Variants in SLC5A5 observed in about 807,000 individuals in gnomAD.
The protein encoded by SLC5A5 is sodium/iodide cotransporter.
A neutral mutation model predicts 68.6 loss-of-function variants in SLC5A5; 56 were observed. The ratio of observed to expected loss-of-function variants is 0.82; its 90% CI spans 0.66 to 1.02. SLC5A5 has a LOEUF of 1.02. Ranked by LOEUF, SLC5A5 falls within the 50% of genes least tolerant of loss-of-function variation. The pLI, the probability that SLC5A5 is intolerant of heterozygous loss-of-function variation, is 0.00. For synonymous variants in SLC5A5, 398 were observed against 373.0 expected (o/e 1.07, Z -0.77); for missense variants, 807 against 859.8 (o/e 0.94, Z 0.77).
At chr19:17,892,949 A>C (rs1233593465) in intron 14 of SLC5A5, among the ~76,000 whole-genome samples, 1 of 151,696 alleles carries the variant, frequency 6.6e-6, no homozygotes, top group Admixed American at 6.6e-5. Context: ...GCTGCCCTAG[A>C]GAAGTGTTTA....
Position 17,875,953 on chromosome 19 carries a change from G to A in SLC5A5, c.545G>A (p.Gly182Asp). The change falls in exon 5 of 15, where the codon GGC becomes GAC. Residue 182 changes from glycine to aspartate, a missense_variant and splice_region_variant. By Grantham distance (94) the Gly-to-Asp change is moderately conservative. Coordinates refer to ENST00000222248, the MANE Select transcript of SLC5A5 (RefSeq NM_000453.3). ...CCCTCTCTCTGTCCCATGCTGCAGGGCGGCATGAAGGCTGTGGTCTGGACT... is the reference window on the plus strand; with the variant it reads ...CCCTCTCTCTGTCCCATGCTGCAGGACGGCATGAAGGCTGTGGTCTGGACT... ...GIICTFYTAV[G>D]GMKAVVWTDV... 1 of 1,614,128 alleles carries A rather than the reference G, an allele frequency of 6.2e-7. No homozygotes were observed. Among genetic ancestry groups the A allele is most frequent in the Non-Finnish European group, 8.5e-7 (1 of 1,180,014 alleles).
intron 14 of SLC5A5, 93 bp downstream of exon 14, chr19:17,891,094 C>T (rs1389948419): frequency 2.5e-6 from 2 of 805,296 alleles, no homozygotes; most frequent in East Asian, 2.5e-5. Context: ...ATATCAGCAC[C>T]TTTCTCCATC....
In SLC5A5 at chr19:17,876,865, CT is replaced by C. The variant is rs201507903; in HGVS notation, c.698+760del. On this transcript the variant is annotated intron_variant, in intron 5 of 14. Transcript: ENST00000222248. ...GACAGAGAGAGACTCCGTCCCCCCC[CT>C]AAAAAAAAAAAAAATTAGCAGGGCG... Among the ~76,000 whole-genome samples the C allele has an allele frequency of 4.4e-3, 656 of 149,158 alleles. 21 individuals carry two copies. The East Asian group carries it at 0.1, about 24-fold the overall frequency.
intron 5 of SLC5A5, among the ~76,000 whole-genome samples, chr19:17,877,460 C>T (rs977141416): frequency 6.6e-6 from 1 of 152,064 alleles, no homozygotes; most frequent in African/African-American, 2.4e-5. Context: ...GAGGCACCCG[C>T]CATTATTCCC....
chr19:17,893,954 C>A lies in SLC5A5; in HGVS notation c.*77C>A. 7.2e-7 allele frequency: 1 copy of A among 1,384,290 alleles called. No homozygotes were observed. Among genetic ancestry groups the A allele is most frequent in the Non-Finnish European group, 1.0e-6 (1 of 995,690 alleles). 85.8% of individuals were successfully genotyped at this position (1,384,290 alleles called of 1,614,324 possible). A position where few individuals can be genotyped will look rare whatever the true frequency, so the allele number is the denominator to read the frequency against. ...CCAAACCCAGACAACGGGCCCATGG[C>A]CTTGGGCTCTGATTGGCTGGATTGC... On this transcript the variant is annotated 3_prime_UTR_variant, in exon 15 of 15. Transcript: ENST00000222248.
In SLC5A5 at chr19:17,890,908, G is replaced by A. The variant is rs758593675; in HGVS notation, c.1674G>A (p.Leu558=). ...CAGGCCCCACCAAGCGCAGCACCCTGGCCCCGGGATTGTTGTGGTGGGACC... is the reference window on the plus strand; with the variant it reads ...CAGGCCCCACCAAGCGCAGCACCCTAGCCCCGGGATTGTTGTGGTGGGACC... The part of the protein sequence containing the change: ...CLTGPTKRST[L]APGLLWWDLA... Residue 558 remains leucine, a synonymous_variant, in exon 14 of 15, where the codon CTG becomes CTA. Transcript: ENST00000222248. 5 of 1,613,896 alleles carry A rather than the reference G, an allele frequency of 3.1e-6. 1 individual carries two copies. Among genetic ancestry groups the A allele is most frequent in the Non-Finnish European group, 4.2e-6 (5 of 1,179,894 alleles).
rs541775288 is a variant in SLC5A5, at chr19:17,872,477, G to A, written c.158G>A (p.Arg53His). 1.8e-4 allele frequency: 287 copies of A among 1,611,392 alleles called. 3 individuals are homozygous for A. The South Asian group carries it at 2.8e-3, about 16-fold the overall frequency. Residue 53 changes from arginine (R) to histidine (H), a missense_variant, in exon 1 of 15, where the codon CGC (arginine) becomes CAC (histidine). Coordinates refer to ENST00000222248, the MANE Select transcript of SLC5A5 (RefSeq NM_000453.3). ...GAGGACTTCTTCACCGGGGGCCGGC[G>A]CCTGGCGGCCCTGCCCGTGGGCCTG... ...SAEDFFTGGR[R>H]LAALPVGLSL... is the part of the protein sequence containing the mutation.
At chr19:17,892,196 A>T (rs562853928) in intron 14 of SLC5A5, among the ~76,000 whole-genome samples, 1 of 152,216 alleles carries the variant, frequency 6.6e-6, no homozygotes, top group East Asian at 1.9e-4. Flanking sequence ...CAGTGGAATG[A>T]GGCAGAAGAA....
chr19:17,890,370 T>C (rs935210564), intron 13 of SLC5A5, among the ~76,000 whole-genome samples: 3 of 152,026 alleles, frequency 2.0e-5, no homozygotes, highest in Non-Finnish European at 4.4e-5. Flanking sequence ...GTGCCCAACC[T>C]CCAATGATGT....
chr19:17,872,236 T>G lies in SLC5A5; in HGVS notation c.-84T>G. ...AGCATCCTCCCACCCGCCCTCCCCG[T>G]CCTGCCTCCTCGGCCCCTGCCAGCT... On this transcript the variant is annotated 5_prime_UTR_variant, in exon 1 of 15. Transcript: ENST00000222248. 13 of 420,950 alleles carry G rather than the reference T, an allele frequency of 3.1e-5. No individual in the cohort carries two copies. Among genetic ancestry groups the G allele is most frequent in the Middle Eastern group, 7.4e-4 (1 of 1,354 alleles). 26.1% of individuals were successfully genotyped at this position (420,950 alleles called of 1,614,324 possible).
chr19:17,872,616 C>T lies in SLC5A5; in HGVS notation c.297C>T (p.Val99=), dbSNP rs1385108375. Residue 99 remains valine (V), a synonymous_variant, in exon 1 of 15, where the codon GTC becomes GTT. Transcript: ENST00000222248. ...WMCLGQLLNS[V]LTALLFMPVF... Reference sequence around the variant, plus strand: ...GCCTGGGCCAGCTTCTGAACTCGGTCCTCACCGCCCTGCTCTTCATGCCCG... The same window carrying T: ...GCCTGGGCCAGCTTCTGAACTCGGTTCTCACCGCCCTGCTCTTCATGCCCG... 4 of 1,611,890 alleles carry T rather than the reference C, an allele frequency of 2.5e-6. No homozygotes were observed. The Admixed American group carries it at 6.7e-5, about 27-fold the overall frequency.
chr19:17,882,841 G>A (rs1006455938), intron 10 of SLC5A5, among the ~76,000 whole-genome samples: 9 of 152,056 alleles, frequency 5.9e-5, no homozygotes, highest in Non-Finnish European at 1.2e-4. Context: ...CCGCCACCAC[G>A]CCTGACTAAT....
intron 6 of SLC5A5, 49 bp downstream of exon 6, chr19:17,877,912 C>T (rs190567881): frequency 6.2e-7 from 1 of 1,613,930 alleles, no homozygotes; most frequent in South Asian, 1.1e-5. Context: ...ATGCTGCCCC[C>T]CTCCACCAGC....
intron 14 of SLC5A5, among the ~76,000 whole-genome samples, chr19:17,891,698 A>G (rs973784849): frequency 1.3e-5 from 2 of 152,228 alleles, no homozygotes; most frequent in Non-Finnish European, 2.9e-5. Flanking sequence ...ACTTGGGGAA[A>G]AAATCTTACA....
chr19:17,881,472 G>T (rs1171418613), intron 8 of SLC5A5, among the ~76,000 whole-genome samples: 1 of 152,108 alleles, frequency 6.6e-6, no homozygotes, highest in Non-Finnish European at 1.5e-5. Flanking sequence ...TCGCCATGTT[G>T]GCCAGGCTGG....
intron 14 of SLC5A5, among the ~76,000 whole-genome samples, chr19:17,891,708 A>G (rs2030177218): frequency 6.6e-6 from 1 of 152,250 alleles, no homozygotes; most frequent in East Asian, 1.9e-4. Context: ...AAAATCTTAC[A>G]TAAGAAACAC....
At chr19:17,883,088 G>C (rs1599924212) in intron 10 of SLC5A5, among the ~76,000 whole-genome samples, 1 of 152,184 alleles carries the variant, frequency 6.6e-6, no homozygotes, top group South Asian at 2.1e-4. Flanking sequence ...CCAAAGTGTT[G>C]GGATTACAGG....
intron 10 of SLC5A5, 32 bp downstream of exon 10, chr19:17,882,251 C>G (rs1353789185): frequency 7.0e-6 from 11 of 1,572,878 alleles, no homozygotes; most frequent in Non-Finnish European, 9.6e-6. Context: ...GCCCTGGTCT[C>G]CTGAGAGGTG....
chr19:17,874,803 C>T (rs970688778), intron 4 of SLC5A5, 72 bp downstream of exon 4: 10 of 1,462,146 alleles, frequency 6.8e-6, no homozygotes, highest in Non-Finnish European at 8.6e-6. Context: ...AGACTCTGGG[C>T]TTGCCCCTTT....
Sources: allele counts gnomAD v4.1 joint callset (sites outside exome capture counted in the v4.1 genomes callset), GRCh38; gene constraint gnomAD v4.1.1; transcripts MANE v1.5; gene names NCBI Gene and HGNC (gene_info 2026-07-23, HGNC 2026-07-21).